CLTCL1: variants seen among roughly 807,000 people sequenced by gnomAD.
The protein encoded by CLTCL1 is clathrin heavy chain like 1, also known as clathrin heavy chain 2.
In CLTCL1, 159 loss-of-function variants were observed where a neutral mutation model predicts 190.0. The observed-to-expected ratio is 0.84, with a 90% confidence interval of 0.74 to 0.95. CLTCL1 has a LOEUF of 0.95. Ranked by LOEUF, CLTCL1 falls within the 40% of genes least tolerant of loss-of-function variation. The probability of loss-of-function intolerance (pLI) is 0.00; values close to 1 mark genes in which losing one functional copy is unlikely to be tolerated. For missense variants in CLTCL1, 1,878 were observed against 2,033.4 expected (o/e 0.92, Z 1.47); for synonymous variants, 752 against 769.6 (o/e 0.98, Z 0.38).
intron 2 of CLTCL1, among the ~76,000 whole-genome samples, chr22:19,272,739 T>C (rs542067370): frequency 9.8e-5 from 15 of 152,308 alleles, no homozygotes; most frequent in African/African-American, 3.6e-4. Flanking sequence ...CCCAAAGTGT[T>C]GGGATTACAG....
At chr22:19,276,886 A>C (rs376323757) in intron 1 of CLTCL1, among the ~76,000 whole-genome samples, 3 of 151,876 alleles carry the variant, frequency 2.0e-5, no homozygotes, top group Non-Finnish European at 4.4e-5. Context: ...GTTAGCCAGG[A>C]TGGTCTCAAT....
intron 17 of CLTCL1, among the ~76,000 whole-genome samples, chr22:19,220,854 C>A (rs1040654617): frequency 2.0e-5 from 3 of 152,250 alleles, no homozygotes; most frequent in South Asian, 4.1e-4. Context: ...CAAGCCTGGG[C>A]AGATGCAGGC....
At chr22:19,191,546 C>T (rs2084505954) in intron 26 of CLTCL1, 111 bp from the exon 27 acceptor site, 8 of 1,333,216 alleles carry the variant, frequency 6.0e-6, no homozygotes, top group Middle Eastern at 5.3e-4. Flanking sequence ...GCCATGACTA[C>T]CCCCTATAAG....
At chr22:19,244,642 G>A (rs1487297371) in intron 3 of CLTCL1, among the ~76,000 whole-genome samples, 1 of 152,170 alleles carries the variant, frequency 6.6e-6, no homozygotes, top group African/African-American at 2.4e-5. Flanking sequence ...CAGCCAAGAC[G>A]AAGAGGCAGA....
chr22:19,234,634 C>T lies in CLTCL1; in HGVS notation c.1042G>A (p.Gly348Ser). The change falls in exon 7 of 33, where the codon GGT (glycine) becomes AGT (serine). Residue 348 changes from glycine (G) to serine (S), a missense_variant. Coordinates refer to ENST00000427926, the MANE Select transcript of CLTCL1 (RefSeq NM_007098.4). ...TTACTACGAACGGCCAAACGCAGAC[C>T]AAGGTCTGGATTCTGAAGCACGTTG... ...ATNVLQNPDL[G>S]LRLAVRSNLA... The T allele has an allele frequency of 6.2e-7, 1 of 1,614,012 alleles. No homozygotes were observed.
rs782227863 is a variant in CLTCL1 at position 19,254,244 on chromosome 22, T to C, written c.251-17A>G. 6.3e-6 allele frequency: 10 copies of C among 1,579,670 alleles called. No homozygotes were observed. The highest frequency in any genetic ancestry group is 2.7e-5 in the African/African-American group (2 of 73,600). ...TCTTCCCAGCTAGTATTTGATATAA[T>C]AGAGATTAGAGAAAGACAAATTAAA... On this transcript the variant is annotated splice_polypyrimidine_tract_variant and intron_variant, in intron 2 of 32. Transcript: ENST00000427926.
intron 2 of CLTCL1, chr22:19,257,699 G>A: frequency 1.1e-6 from 1 of 873,900 alleles, no homozygotes; most frequent in South Asian, 1.3e-5. Context: ...GTGGCTTGGG[G>A]TCCAGGGCCC....
At chr22:19,207,395 G>C (rs2085083763) in intron 22 of CLTCL1, 1 of 394,194 alleles carries the variant, frequency 2.5e-6, no homozygotes, top group African/African-American at 2.1e-5. Flanking sequence ...GTAGTAAACA[G>C]AACGCCTGGA....
At chr22:19,278,167 A>T (rs1425957086) in intron 1 of CLTCL1, among the ~76,000 whole-genome samples, 1 of 152,102 alleles carries the variant, frequency 6.6e-6, no homozygotes. Context: ...ATCTATCTAC[A>T]CATCAGCACC....
At chr22:19,246,239 T>G (rs1555967895) in intron 3 of CLTCL1, among the ~76,000 whole-genome samples, 1 of 151,420 alleles carries the variant, frequency 6.6e-6, no homozygotes, top group Non-Finnish European at 1.5e-5. Flanking sequence ...TTTTTGTATT[T>G]TTAGTAGAGA....
chr22:19,283,599 T>C (rs1316373783), intron 1 of CLTCL1, among the ~76,000 whole-genome samples: 1 of 151,954 alleles, frequency 6.6e-6, no homozygotes, highest in Non-Finnish European at 1.5e-5. Flanking sequence ...ACATTTTAAA[T>C]GGCATATATA....
At chr22:19,226,738 CT>C (rs1233150166) in intron 11 of CLTCL1, among the ~76,000 whole-genome samples, 13 of 151,232 alleles carry the variant, frequency 8.6e-5, no homozygotes, top group African/African-American at 2.9e-4. Flanking sequence ...TCTTTTTTTC[CT>C]TTTTTTTTCT....
rs368852610 is a variant in CLTCL1 at position 19,221,499 on chromosome 22, A to G, written c.2674T>C (p.Cys892Arg). ...TAGTAGGCATTCTCTCTCAGGAAGC[A>G]CTCGGGGCTGTTGTTGCTGTCGATG... ...IYIDSNNSPE[C>R]FLRENAYYDS... The change falls in exon 17 of 33, where the codon TGC (cysteine) becomes CGC (arginine). Residue 892 changes from cysteine (C) to arginine (R), a missense_variant. Physicochemically the swap from Cys to Arg is radical, Grantham distance 180. Coordinates refer to ENST00000427926, the MANE Select transcript of CLTCL1 (RefSeq NM_007098.4). 4.1e-5 allele frequency: 66 copies of G among 1,601,732 alleles called. No individual in the cohort carries two copies. Among genetic ancestry groups the G allele is most frequent in the Non-Finnish European group, 6.0e-6 (7 of 1,174,040 alleles).
chr22:19,257,210 G>A (rs1349330745), intron 2 of CLTCL1, among the ~76,000 whole-genome samples: 2 of 152,150 alleles, frequency 1.3e-5, no homozygotes, highest in Non-Finnish European at 2.9e-5. Context: ...CAAAGTTAAA[G>A]TAAGCAAATG....
At chr22:19,286,418 A>C (rs1289732091) in intron 1 of CLTCL1, among the ~76,000 whole-genome samples, 3 of 150,178 alleles carry the variant, frequency 2.0e-5, no homozygotes, top group African/African-American at 7.3e-5. Flanking sequence ...AACAGTTTAC[A>C]TGGTATCTTA....
chr22:19,187,896 A>C, intron 28 of CLTCL1, 85 bp downstream of exon 28: 3 of 1,445,476 alleles, frequency 2.1e-6, no homozygotes, highest in Non-Finnish European at 2.9e-6. Flanking sequence ...CTCCTGTGCA[A>C]AGGCAGCCTG....
At chr22:19,193,159 T>G (rs1555933478) in intron 26 of CLTCL1, among the ~76,000 whole-genome samples, 1 of 152,228 alleles carries the variant, frequency 6.6e-6, no homozygotes, top group Non-Finnish European at 1.5e-5. Context: ...CTTGCAGGTA[T>G]CACGCGAGTG....
chr22:19,280,958 C>T (rs1339442898), intron 1 of CLTCL1, among the ~76,000 whole-genome samples: 2 of 150,804 alleles, frequency 1.3e-5, no homozygotes, highest in Non-Finnish European at 2.9e-5. Flanking sequence ...AATGGGGAGT[C>T]ATTTCTTAAC....
intron 10 of CLTCL1, among the ~76,000 whole-genome samples, chr22:19,230,834 C>A (rs1489442793): frequency 1.3e-5 from 2 of 152,028 alleles, no homozygotes; most frequent in Non-Finnish European, 2.9e-5. Flanking sequence ...GAGGGCATTC[C>A]CAGAGGAGAC....
Sources: gnomAD v4.1 joint callset for allele counts (sites outside exome capture counted in the v4.1 genomes callset) on GRCh38, gnomAD v4.1.1 for gene constraint, MANE v1.5 for transcripts, NCBI Gene and HGNC (gene_info 2026-07-23, HGNC 2026-07-21) for gene names.